The following LRRIQ1 variants were observed in gnomAD, a reference collection of about 807,000 sequenced individuals.
The protein encoded by LRRIQ1 is leucine rich repeats and IQ motif containing 1, also known as leucine-rich repeat- and IQ domain-containing protein 1.
Under a neutral mutation model 211.9 loss-of-function variants are expected in LRRIQ1, and 210 were observed. The ratio of observed to expected loss-of-function variants is 0.99; its 90% CI spans 0.89 to 1.11. LRRIQ1 has a LOEUF of 1.11. Among genes scored for constraint, LRRIQ1 ranks in the 50% most tolerant of loss-of-function variants. The pLI, the probability that LRRIQ1 is intolerant of heterozygous loss-of-function variation, is 0.00. For synonymous variants in LRRIQ1, 699 were observed against 650.1 expected, an observed-to-expected ratio of 1.08 and a Z score of -1.14; for missense variants, 2,136 against 1,939.5, an observed-to-expected ratio of 1.10 and a Z score of -1.90.
intron 24 of LRRIQ1, among the ~76,000 whole-genome samples, chr12:85,195,649 T>G (rs1592952704): frequency 6.6e-6 from 1 of 150,980 alleles, no homozygotes; most frequent in Non-Finnish European, 1.5e-5. Context: ...AAACTCTCAA[T>G]AAATTAGGTA....
chr12:85,190,190 T>G (rs1169561157), intron 24 of LRRIQ1, among the ~76,000 whole-genome samples: 2 of 144,060 alleles, frequency 1.4e-5, no homozygotes, highest in Non-Finnish European at 3.0e-5. Context: ...TTATAATAAT[T>G]CAATATATTA....
chr12:85,072,330 C>A (rs992403938), intron 10 of LRRIQ1, among the ~76,000 whole-genome samples: 1 of 151,760 alleles, frequency 6.6e-6, no homozygotes, highest in African/African-American at 2.4e-5. Context: ...GGCTGTCTTG[C>A]TAATCTAATA....
At chr12:85,149,181 T>C (rs146108547) in intron 19 of LRRIQ1, among the ~76,000 whole-genome samples, 1 of 152,174 alleles carries the variant, frequency 6.6e-6, no homozygotes, top group African/African-American at 2.4e-5. Context: ...AATTTTGGCT[T>C]TTATTGCAAT....
chr12:85,245,167 G>A (rs1461090057), downstream of LRRIQ1: 2 of 554,020 alleles, frequency 3.6e-6, no homozygotes, highest in African/African-American at 3.9e-5. Flanking sequence ...CCCACACCCT[G>A]TGAATCATAT....
intron 13 of LRRIQ1, among the ~76,000 whole-genome samples, chr12:85,103,653 A>G (rs74237290): frequency 0.041 from 6,267 of 151,812 alleles, 187 homozygotes; most frequent in East Asian, 0.069. Context: ...TTATATGAAT[A>G]CAAAACAAAA....
At chr12:85,134,247 C>T (rs190287046) in intron 18 of LRRIQ1, among the ~76,000 whole-genome samples, 1 of 152,222 alleles carries the variant, frequency 6.6e-6, no homozygotes, top group Admixed American at 6.5e-5. Flanking sequence ...GGCTCATAGG[C>T]TCCATTATGC....
chr12:85,217,508 A>ATGTGTGTGTG (rs370971727), intron 24 of LRRIQ1, among the ~76,000 whole-genome samples: 2 of 64,272 alleles, frequency 3.1e-5, no homozygotes, highest in Non-Finnish European at 5.1e-5. Context: ...ATATATATAT[A>ATGTGTGTGTG]TGTGTGTGTG....
At chr12:85,074,862 A>C (rs1883467532) in intron 11 of LRRIQ1, among the ~76,000 whole-genome samples, 1 of 152,130 alleles carries the variant, frequency 6.6e-6, no homozygotes, top group Non-Finnish European at 1.5e-5. Context: ...TAGTTTTTAA[A>C]GTAAGAATAG....
rs1390004273 is a variant in LRRIQ1 at position 85,121,864 on chromosome 12, T to C, written c.3545T>C (p.Ile1182Thr). ...TTCAACTTGCTAATTGAAAATTATA[T>C]AACTGGAAAAGGGTAAGATTGTGAT... ...REFNLLIENY[I>T]TGKGDVFTLD... Residue 1182 changes from isoleucine (I) to threonine (T), a missense_variant, in exon 16 of 27, where the codon ATA becomes ACA. Transcript: ENST00000393217. 4.4e-6 allele frequency: 7 copies of C among 1,603,972 alleles called. No homozygotes were observed. Among genetic ancestry groups the C allele is most frequent in the Non-Finnish European group, 6.0e-6 (7 of 1,175,732 alleles).
chr12:85,130,415 G>C (rs577104747), intron 18 of LRRIQ1, among the ~76,000 whole-genome samples: 1 of 152,172 alleles, frequency 6.6e-6, no homozygotes, highest in African/African-American at 2.4e-5. Flanking sequence ...ACATTTTTCA[G>C]CATTGACAGT....
chr12:85,206,129 C>T (rs1893532213), intron 24 of LRRIQ1, among the ~76,000 whole-genome samples: 1 of 152,184 alleles, frequency 6.6e-6, no homozygotes, highest in Admixed American at 6.5e-5. Flanking sequence ...GGCTCATCAC[C>T]TTGGGCAGAA....
At chr12:85,259,297 T>A (rs1051146859) in intron 1 of LRRIQ1, among the ~76,000 whole-genome samples, 1 of 152,076 alleles carries the variant, frequency 6.6e-6, no homozygotes, top group Admixed American at 6.6e-5. Context: ...ATCAATATTT[T>A]GAGGCCAGAG....
intron 24 of LRRIQ1, among the ~76,000 whole-genome samples, chr12:85,187,739 G>C (rs1181985846): frequency 6.6e-6 from 1 of 151,190 alleles, no homozygotes; most frequent in Non-Finnish European, 1.5e-5. Context: ...AATCTGGGAG[G>C]CGGAGATTGC....
rs765288659 is a variant in LRRIQ1 at position 85,056,397 on chromosome 12, A to G, written c.1604A>G (p.Gln535Arg). Residue 535 changes from glutamine to arginine, a missense_variant, in exon 8 of 27, where the codon CAA becomes CGA. By Grantham distance (43) the Gln-to-Arg change is conservative. Transcript: ENST00000393217. ...TTGCAAGAATTAAAGTCTGATGCAC[A>G]AAAAGAAGAAAAAATCATGAAACAT... The part of the protein sequence containing the change: ...FPLQELKSDA[Q>R]KEEKIMKHVI... 6.3e-7 allele frequency: 1 copy of G among 1,587,844 alleles called. No homozygotes were observed. The highest frequency in any genetic ancestry group is 1.2e-5 in the South Asian group (1 of 84,380).
At chr12:85,178,169 TTCTTTGGATGTTG>T (rs1370617712) in intron 24 of LRRIQ1, among the ~76,000 whole-genome samples, 3 of 152,080 alleles carry the variant, frequency 2.0e-5, no homozygotes, top group African/African-American at 7.2e-5. Flanking sequence ...ATTTTCATCT[TTCTTTGGATGTTG>T]TCTTACCTGA....
intron 6 of LRRIQ1, 53 bp downstream of exon 6, chr12:85,047,523 G>T: frequency 7.0e-7 from 1 of 1,419,036 alleles, no homozygotes; most frequent in Non-Finnish European, 9.9e-7. Context: ...TACCTCTGAA[G>T]AATATTGATA....
At chr12:85,073,537 T>A (rs1883321819) in intron 11 of LRRIQ1, among the ~76,000 whole-genome samples, 1 of 152,100 alleles carries the variant, frequency 6.6e-6, no homozygotes, top group Non-Finnish European at 1.5e-5. Flanking sequence ...AATGCTTGAA[T>A]TCCCGTTTAC....
chr12:85,057,215 T>C (rs1414977258), intron 8 of LRRIQ1, 31 bp downstream of exon 8: 12 of 1,323,698 alleles, frequency 9.1e-6, no homozygotes, highest in South Asian at 3.6e-5. Flanking sequence ...ATTTTTCACA[T>C]TTAATTACAA....
intron 24 of LRRIQ1, among the ~76,000 whole-genome samples, chr12:85,218,718 A>T (rs571532615): frequency 6.6e-6 from 1 of 152,204 alleles, no homozygotes; most frequent in African/African-American, 2.4e-5. Context: ...TGACAGCCTC[A>T]TGGGAAAAAA....
Sources: gnomAD v4.1 joint callset for allele counts (sites outside exome capture counted in the v4.1 genomes callset) on GRCh38, gnomAD v4.1.1 for gene constraint, MANE v1.5 for transcripts, NCBI Gene and HGNC (gene_info 2026-07-23, HGNC 2026-07-21) for gene names.